The following TBC1D19 variants were observed in gnomAD, a reference collection of about 807,000 sequenced individuals.
TBC1D19 encodes TBC1 domain family, member 19.
A neutral mutation model predicts 89.0 loss-of-function variants in TBC1D19; 60 were observed. The ratio of observed to expected loss-of-function variants is 0.67; its 90% CI spans 0.55 to 0.84. The LOEUF is 0.84. Ranked by LOEUF, TBC1D19 falls within the 40% of genes least tolerant of loss-of-function variation. The pLI is 0.00. For synonymous variants in TBC1D19, 189 were observed against 199.7 expected (o/e 0.95, Z 0.45); for missense variants, 500 against 610.8 (o/e 0.82, Z 1.91).
At chr4:26,846,223 T>C in the TBC1D19 span, among the ~76,000 whole-genome samples, 2 of 152,226 alleles carry the variant, frequency 1.3e-5, no homozygotes, top group Non-Finnish European at 2.9e-5. Flanking sequence ...TTATATTTTT[T>C]AATGGCTGTG....
chr4:26,707,994 T>C (rs1715866527), intron 13 of TBC1D19, among the ~76,000 whole-genome samples: 2 of 152,034 alleles, frequency 1.3e-5, no homozygotes, highest in Non-Finnish European at 2.9e-5. Flanking sequence ...ATGTACGAGT[T>C]TCTTAAATCA....
At chr4:26,729,018 A>G (rs959388642) in intron 15 of TBC1D19, among the ~76,000 whole-genome samples, 39 of 152,260 alleles carry the variant, frequency 2.6e-4, no homozygotes, top group Admixed American at 2.6e-3. Flanking sequence ...CCGTCTCAAA[A>G]AAAGAAAAAA....
the TBC1D19 span, among the ~76,000 whole-genome samples, chr4:26,771,829 A>C: frequency 2.0e-5 from 3 of 152,210 alleles, no homozygotes; most frequent in East Asian, 1.9e-4. Context: ...CACATTTTTC[A>C]AACTAGAAAA....
chr4:26,823,136 C>CA, the TBC1D19 span, among the ~76,000 whole-genome samples: 6 of 152,330 alleles, frequency 3.9e-5, no homozygotes, highest in East Asian at 9.6e-4. Context: ...CAAGGAGGAG[C>CA]AAGTCACATC....
chr4:26,738,184 G>A (rs552547535), intron 16 of TBC1D19, among the ~76,000 whole-genome samples: 58 of 151,022 alleles, frequency 3.8e-4, no homozygotes, highest in Non-Finnish European at 4.3e-4. Context: ...AAACAACTGT[G>A]GTATCTTGAA....
chr4:26,736,037 C>A (rs1246004166), intron 16 of TBC1D19, among the ~76,000 whole-genome samples: 1 of 140,506 alleles, frequency 7.1e-6, no homozygotes, highest in Admixed American at 7.5e-5. Flanking sequence ...CCAGCCATCC[C>A]ATTACTGGGT....
At chr4:26,753,061 T>C (rs1209816965) in intron 19 of TBC1D19, among the ~76,000 whole-genome samples, 2 of 152,214 alleles carry the variant, frequency 1.3e-5, no homozygotes, top group African/African-American at 4.8e-5. Context: ...TAGCCAACAT[T>C]ATATTAAATG....
intron 13 of TBC1D19, 109 bp from the exon 14 acceptor site, chr4:26,717,824 G>A (rs557920672): frequency 2.7e-5 from 22 of 805,818 alleles, no homozygotes; most frequent in Admixed American, 1.1e-4. Context: ...TCTTCCCACC[G>A]CAAGGCACGG....
At chr4:26,787,310 C>A in the TBC1D19 span, among the ~76,000 whole-genome samples, 1 of 152,160 alleles carries the variant, frequency 6.6e-6, no homozygotes, top group South Asian at 2.1e-4. Context: ...CCATGTTGCC[C>A]AGGGTGGTCT....
At chr4:26,852,723 CATT>C in the TBC1D19 span, among the ~76,000 whole-genome samples, 1 of 152,036 alleles carries the variant, frequency 6.6e-6, no homozygotes, top group African/African-American at 2.4e-5. Flanking sequence ...GGGTTCACAC[CATT>C]CTCCTGCCTC....
the TBC1D19 span, among the ~76,000 whole-genome samples, chr4:26,809,854 G>A: frequency 6.6e-6 from 1 of 152,112 alleles, no homozygotes; most frequent in African/African-American, 2.4e-5. Context: ...ACCTCTTTAC[G>A]GTCCTGACTC....
At chr4:26,612,114 G>C (rs1385167641) in intron 1 of TBC1D19, among the ~76,000 whole-genome samples, 2 of 151,826 alleles carry the variant, frequency 1.3e-5, no homozygotes, top group Non-Finnish European at 2.9e-5. Flanking sequence ...TGATGTCTTA[G>C]AGGTCTTGTG....
the TBC1D19 span, among the ~76,000 whole-genome samples, chr4:26,815,322 G>C: frequency 6.6e-6 from 1 of 152,186 alleles, no homozygotes; most frequent in African/African-American, 2.4e-5. Flanking sequence ...GGCCATTCTA[G>C]CATTACATGG....
chr4:26,746,959 C>T (rs1477787544), intron 18 of TBC1D19, among the ~76,000 whole-genome samples: 1 of 152,160 alleles, frequency 6.6e-6, no homozygotes, highest in Non-Finnish European at 1.5e-5. Context: ...CATAGATACA[C>T]CTGACAAAGG....
chr4:26,704,861 T>A (rs1156784549), intron 13 of TBC1D19, among the ~76,000 whole-genome samples: 1 of 152,190 alleles, frequency 6.6e-6, no homozygotes, highest in Non-Finnish European at 1.5e-5. Flanking sequence ...CCACAGTGAC[T>A]ATACCATTTT....
chr4:26,717,808 G>A (rs1208382895), intron 13 of TBC1D19, 125 bp from the exon 14 acceptor site: 6 of 661,812 alleles, frequency 9.1e-6, no homozygotes, highest in South Asian at 8.9e-5. Flanking sequence ...TACCGATAAA[G>A]GGCATTCTTC....
intron 12 of TBC1D19, 53 bp from the exon 13 acceptor site, chr4:26,688,292 C>CTACA: frequency 6.5e-7 from 1 of 1,533,714 alleles, no homozygotes; most frequent in Non-Finnish European, 8.8e-7. Flanking sequence ...TGCTTTAGTA[C>CTACA]TACAGACAGA....
chr4:26,750,763 C>A (rs182385036), intron 19 of TBC1D19, among the ~76,000 whole-genome samples: 1 of 152,272 alleles, frequency 6.6e-6, no homozygotes, highest in East Asian at 1.9e-4. Flanking sequence ...GGAAGCTCCC[C>A]TACCATGGAA....
At chr4:26,824,659 T>G in the TBC1D19 span, among the ~76,000 whole-genome samples, 1 of 152,106 alleles carries the variant, frequency 6.6e-6, no homozygotes, top group Non-Finnish European at 1.5e-5. Context: ...TTTTTAACAG[T>G]GGGGTCATTT....
Sources: gnomAD v4.1 joint callset for allele counts (sites outside exome capture counted in the v4.1 genomes callset) on GRCh38, gnomAD v4.1.1 for gene constraint, MANE v1.5 for transcripts, NCBI Gene and HGNC (gene_info 2026-07-23, HGNC 2026-07-21) for gene names.